Variants in TTN observed in about 807,000 individuals in gnomAD.
TTN encodes the protein connectin.
A neutral mutation model predicts 3,223.0 loss-of-function variants in TTN; 1,525 were observed. The ratio of observed to expected loss-of-function variants is 0.47; its 90% CI spans 0.45 to 0.49. TTN has a LOEUF of 0.49. Among genes scored for constraint, TTN ranks in the 20% least tolerant of loss-of-function variants. The probability of loss-of-function intolerance (pLI) is 0.00; values close to 1 mark genes in which losing one functional copy is unlikely to be tolerated. For synonymous variants in TTN, 14,094 were observed against 15,161.0 expected (o/e 0.93, Z 5.17); for missense variants, 40,786 against 43,424.0 (o/e 0.94, Z 5.40).
intron 164 of TTN, 51 bp downstream of exon 164, chr2:178,665,657 C>G (rs569399514): frequency 1.6e-6 from 2 of 1,279,990 alleles, no homozygotes; most frequent in Non-Finnish European, 2.0e-6. Flanking sequence ...GCACCCTGTA[C>G]ATGCTAAGCA....
rs2154199864 is a variant in TTN at position 178,611,650 on chromosome 2, T to C, written c.50579A>G (p.His16860Arg). 1.9e-6 allele frequency: 3 copies of C among 1,613,028 alleles called. No homozygotes were observed. Among genetic ancestry groups the C allele is most frequent in the East Asian group, 2.2e-5 (1 of 44,692 alleles). The change falls in exon 269 of 363, where the codon CAT becomes CGT. Residue 16860 changes from histidine to arginine, a missense_variant. Coordinates refer to ENST00000589042, the MANE Select transcript of TTN (RefSeq NM_001267550.2). ...TSPPSPPLDL[H>R]VTDAGRKHIA... is the part of the protein sequence containing the mutation. ...GTGTTTTCTCCCAGCATCAGTCACATGTAGGTCAAGGGGTGGTGAGGGAGG... is the reference window on the plus strand; with the variant it reads ...GTGTTTTCTCCCAGCATCAGTCACACGTAGGTCAAGGGGTGGTGAGGGAGG...
rs747904740 is a variant in TTN at position 178,562,075 on chromosome 2, T to C, written c.84057A>G (p.Ser28019=). The change falls in exon 326 of 363, where the codon TCA becomes TCG. Residue 28019 remains serine, a synonymous_variant. Coordinates refer to ENST00000589042, the MANE Select transcript of TTN (RefSeq NM_001267550.2). ...CCTTTGAAGCTTCCTTAATAGATAG[T>C]GATGTTACAGTCTTTGAAGAAGAAA... ...VNVSSSKTVT[S]LSIKEASKED... The C allele has an allele frequency of 1.2e-6, 2 of 1,613,370 alleles. No individual in the cohort carries two copies. Among genetic ancestry groups the C allele is most frequent in the East Asian group, 4.5e-5 (2 of 44,722 alleles).
At chr2:178,800,868 G>T (rs1043068880) in intron 3 of TTN, among the ~76,000 whole-genome samples, 186 bp from the exon 4 acceptor site, 2 of 152,162 alleles carry the variant, frequency 1.3e-5, no homozygotes, top group Admixed American at 1.3e-4. Context: ...ATTACAGAAG[G>T]CTTTCTCACC....
chr2:178,609,758 A>C lies in TTN; in HGVS notation c.51665T>G (p.Val17222Gly), dbSNP rs1014056487. ...LEEGKEYQFR[V>G]RAENAAGISE... ...AATACCCGCGGCGTTCTCTGCTCGC[A>C]CACGGAATTGGTACTCTTTCCCCTC... is the stretch of plus-strand genomic sequence containing the variant. Residue 17222 changes from valine (V) to glycine (G), a missense_variant, in exon 272 of 363, where the codon GTG (valine) becomes GGG (glycine). By Grantham distance (109) the Val-to-Gly change is moderately radical. Transcript: ENST00000589042. 2 of 1,612,616 alleles carry C rather than the reference A, an allele frequency of 1.2e-6. No individual in the cohort carries two copies.
intron 15 of TTN, 107 bp downstream of exon 15, chr2:178,785,513 T>C (rs1328566608): frequency 4.7e-5 from 72 of 1,520,902 alleles, no homozygotes; most frequent in Non-Finnish European, 6.4e-5. Flanking sequence ...CACACACACA[T>C]CACCAAAAAA....
chr2:178,732,378 T>C, intron 56 of TTN, 31 bp from the exon 57 acceptor site: 1 of 1,575,588 alleles, frequency 6.3e-7, no homozygotes, highest in Non-Finnish European at 8.6e-7. Flanking sequence ...TTAAGAAATG[T>C]GAGAAAGAGG....
In TTN at chr2:178,564,600, C is replaced by T. The variant is rs397517721; in HGVS notation, c.81532G>A (p.Glu27178Lys). 1.2e-6 allele frequency: 2 copies of T among 1,613,336 alleles called. No homozygotes were observed. The highest frequency in any genetic ancestry group is 3.3e-5 in the Admixed American group (2 of 59,958). ...TTGTTTCTTGTAATAACAATGGCTT[C>T]AGGGCGACCAGGTGGGTCACATGGA... is the stretch of plus-strand genomic sequence containing the variant. Reference protein sequence around the residue: ...RDPCDPPGRPEAIVITRNNVT... With the variant: ...RDPCDPPGRPKAIVITRNNVT... Residue 27178 changes from glutamate (E) to lysine (K), a missense_variant, in exon 326 of 363, where the codon GAA becomes AAA. Physicochemically the swap from Glu to Lys is moderately conservative, Grantham distance 56. Transcript: ENST00000589042.
In TTN at chr2:178,720,668, C is replaced by A. The variant is rs776551337; in HGVS notation, c.23099-5G>T. ...TCTGGGTGAAAACAGGAGGTGCTAC[C>A]AGAAAAAAGGAGATAAACAATGAGA... On this transcript the variant is annotated splice_polypyrimidine_tract_variant and splice_region_variant and intron_variant, in intron 79 of 362. Transcript: ENST00000589042. 2.6e-6 allele frequency: 4 copies of A among 1,561,538 alleles called. No individual in the cohort carries two copies. The highest frequency in any genetic ancestry group is 3.4e-6 in the Non-Finnish European group (4 of 1,161,180).
At chr2:178,630,597 AC>A (rs2059683268) in intron 238 of TTN, among the ~76,000 whole-genome samples, 1 of 152,046 alleles carries the variant, frequency 6.6e-6, no homozygotes, top group Non-Finnish European at 1.5e-5. Flanking sequence ...AGTATCTACA[AC>A]CTTATACTCA....
intron 132 of TTN, 113 bp from the exon 133 acceptor site, chr2:178,684,195 A>T: frequency 7.2e-7 from 1 of 1,383,368 alleles, no homozygotes; most frequent in Non-Finnish European, 1.0e-6. Context: ...TATTTCAAAC[A>T]TAAAACAACA....
intron 42 of TTN, 61 bp downstream of exon 42, chr2:178,764,465 GA>G (rs2089999022): frequency 6.2e-7 from 1 of 1,612,770 alleles, no homozygotes; most frequent in Admixed American, 1.7e-5. Flanking sequence ...AATGCACTGG[GA>G]AAGGACAAAA....
At position 178,532,319 on chromosome 2, in the gene TTN, C is replaced by T; in HGVS notation, c.104296G>A (p.Ala34766Thr). The T allele has an allele frequency of 6.2e-7, 1 of 1,614,000 alleles. No individual in the cohort carries two copies. The change falls in exon 358 of 363, where the codon GCT becomes ACT. Residue 34766 changes from alanine (A) to threonine (T), a missense_variant. Coordinates refer to ENST00000589042, the MANE Select transcript of TTN (RefSeq NM_001267550.2). ...RQPKQRQRIM[A>T]EREDEELLRP... ...AGCAACTCTTCATCCTCCCTCTCAG[C>T]CATGATTCTTTGCCGTTGCTTTGGC...
chr2:178,676,065 A>G, intron 147 of TTN, 70 bp from the exon 148 acceptor site: 4 of 1,437,122 alleles, frequency 2.8e-6, no homozygotes, highest in Non-Finnish European at 3.8e-6. Context: ...AGAAGACCCC[A>G]CACCCAGAAA....
Position 178,709,717 on chromosome 2 carries a change from T to C in TTN, c.28602A>G (p.Ile9534Met). The C allele has an allele frequency of 6.2e-7, 1 of 1,613,936 alleles. No individual in the cohort carries two copies. Among genetic ancestry groups the C allele is most frequent in the Non-Finnish European group, 8.5e-7 (1 of 1,179,816 alleles). The change falls in exon 99 of 363, where the codon ATA (isoleucine) becomes ATG (methionine). Residue 9534 changes from isoleucine (I) to methionine (M), a missense_variant. Ile to Met is a conservative substitution (Grantham distance 10, BLOSUM62 1). Transcript: ENST00000589042. ...TTATTTCACAGTTAGAAGTTGGTTGTATCTCTATATTATTTTTGTACCAGG... is the reference window on the plus strand; with the variant it reads ...TTATTTCACAGTTAGAAGTTGGTTGCATCTCTATATTATTTTTGTACCAGG... ...TVAWYKNNIE[I>M]QPTSNCEITF...
chr2:178,678,339 TG>T (rs2068563386), intron 144 of TTN, 74 bp downstream of exon 144: 2 of 1,496,614 alleles, frequency 1.3e-6, no homozygotes, highest in East Asian at 4.8e-5. Flanking sequence ...TACAATGTAA[TG>T]GGGAAATTTG....
Position 178,580,112 on chromosome 2 carries a change from T to C in TTN, c.67175A>G (p.Gln22392Arg), listed in dbSNP as rs753314830. 10 of 1,613,422 alleles carry C rather than the reference T, an allele frequency of 6.2e-6. No homozygotes were observed. The highest frequency in any genetic ancestry group is 1.7e-4 in the Middle Eastern group (1 of 6,052). ...GGATTTCCTCTCTGCATCACGTTTT[T>C]GTACCACATAGTTTATGATGGGGCT... ...GGSPIINYVV[Q>R]KRDAERKSWS... The change falls in exon 318 of 363, where the codon CAA (glutamine) becomes CGA (arginine). Residue 22392 changes from glutamine (Q) to arginine (R), a missense_variant. Gln to Arg is a conservative substitution (Grantham distance 43). Transcript: ENST00000589042.
In TTN at chr2:178,568,322, A is replaced by G; in HGVS notation, c.77810T>C (p.Val25937Ala). Residue 25937 changes from valine (V) to alanine (A), a missense_variant, in exon 326 of 363, where the codon GTA becomes GCA. By Grantham distance (64) the Val-to-Ala change is moderately conservative. Transcript: ENST00000589042. Reference protein sequence around the residue: ...IVQKRDTTTTVWDVVSATVAR... With the variant: ...IVQKRDTTTTAWDVVSATVAR... ...AACAGTAGCAGAAACAACATCCCAT[A>G]CTGTGGTGGTTGTATCTCTTTTCTG... 6.2e-7 allele frequency: 1 copy of G among 1,613,436 alleles called. No homozygotes were observed. The highest frequency in any genetic ancestry group is 2.2e-5 in the East Asian group (1 of 44,766).
Position 178,707,751 on chromosome 2 carries a change from A to G in TTN, c.28816T>C (p.Tyr9606His). 1.9e-6 allele frequency: 3 copies of G among 1,613,922 alleles called. No individual in the cohort carries two copies. The highest frequency in any genetic ancestry group is 2.7e-5 in the African/African-American group (2 of 75,072). Residue 9606 changes from tyrosine (Y) to histidine (H), a missense_variant, in exon 100 of 363, where the codon TAC (tyrosine) becomes CAC (histidine). Physicochemically the swap from Tyr to His is moderately conservative, Grantham distance 83. Coordinates refer to ENST00000589042, the MANE Select transcript of TTN (RefSeq NM_001267550.2). ...LTPVTVSEGE[Y>H]VQLSCHVQGS... is the part of the protein sequence containing the mutation. ...TGGACATGGCAGCTGAGCTGCACGT[A>G]TTCTCCTTCACTCACTGTTACTGGA...
chr2:178,622,713 T>C lies in TTN; in HGVS notation c.44870A>G (p.Glu14957Gly), dbSNP rs796961766. 43 of 1,607,604 alleles carry C rather than the reference T, an allele frequency of 2.7e-5. No individual in the cohort carries two copies. Among genetic ancestry groups the C allele is most frequent in the Non-Finnish European group, 3.4e-5 (40 of 1,176,974 alleles). The change falls in exon 243 of 363, where the codon GAA (glutamate) becomes GGA (glycine). Residue 14957 changes from glutamate (E) to glycine (G), a missense_variant. Physicochemically the swap from Glu to Gly is moderately conservative, Grantham distance 98. Coordinates refer to ENST00000589042, the MANE Select transcript of TTN (RefSeq NM_001267550.2). ...AAGTTCACACTCAAATCGAGCCATT[T>C]CTTTTTCTCTAACTTGAAGGTCGGT... ...PLTDLQVREK[E>G]MARFECELSR...
Sources: allele counts gnomAD v4.1 joint callset (sites outside exome capture counted in the v4.1 genomes callset), GRCh38; gene constraint gnomAD v4.1.1; transcripts MANE v1.5; gene names NCBI Gene and HGNC (gene_info 2026-07-23, HGNC 2026-07-21).